The following MCC variants were observed in gnomAD, a reference collection of about 807,000 sequenced individuals.
MCC encodes the protein colorectal mutant cancer protein.
A neutral mutation model predicts 116.2 loss-of-function variants in MCC; 90 were observed. The ratio of observed to expected loss-of-function variants is 0.77; its 90% CI spans 0.65 to 0.92. MCC has a LOEUF of 0.92. Among genes scored for constraint, MCC ranks in the 40% least tolerant of loss-of-function variants. The probability of loss-of-function intolerance (pLI) is 0.00; values close to 1 mark genes in which losing one functional copy is unlikely to be tolerated. For synonymous variants in MCC, 578 were observed against 510.5 expected (o/e 1.13, Z -1.78); for missense variants, 1,516 against 1,312.2 (o/e 1.16, Z -2.40).
At chr5:113,221,992 A>C (rs1251989156) in intron 3 of MCC, among the ~76,000 whole-genome samples, 1 of 152,180 alleles carries the variant, frequency 6.6e-6, no homozygotes, top group African/African-American at 2.4e-5. Context: ...TACATTAGGA[A>C]GGGGGAGATA....
At chr5:113,237,873 G>A (rs1278796276) in intron 3 of MCC, among the ~76,000 whole-genome samples, 1 of 152,196 alleles carries the variant, frequency 6.6e-6, no homozygotes, top group African/African-American at 2.4e-5. Context: ...GTCATCTCAT[G>A]CCTGAAGTAT....
At chr5:113,438,343 C>T (rs959532559) in intron 1 of MCC, among the ~76,000 whole-genome samples, 3 of 152,124 alleles carry the variant, frequency 2.0e-5, no homozygotes, top group African/African-American at 7.2e-5. Context: ...GAGCATCAGA[C>T]ACGGGGCAGA....
At chr5:113,059,479 C>T (rs1013169277) in intron 14 of MCC, among the ~76,000 whole-genome samples, 4 of 152,220 alleles carry the variant, frequency 2.6e-5, no homozygotes, top group African/African-American at 9.7e-5. Context: ...GTTAAGTCAT[C>T]CATTAATTCT....
At chr5:113,217,648 G>C (rs141575202) in intron 3 of MCC, among the ~76,000 whole-genome samples, 1 of 148,808 alleles carries the variant, frequency 6.7e-6, no homozygotes, top group Admixed American at 6.6e-5. Flanking sequence ...GAGGAAAGTG[G>C]GGCTCCAAGC....
At chr5:113,468,937 C>A (rs1207871042) in intron 1 of MCC, among the ~76,000 whole-genome samples, 1 of 152,142 alleles carries the variant, frequency 6.6e-6, no homozygotes, top group African/African-American at 2.4e-5. Flanking sequence ...AGGAATTTAT[C>A]CATTTCTTCT....
At chr5:113,432,138 A>C (rs1770672539) in intron 1 of MCC, among the ~76,000 whole-genome samples, 1 of 151,756 alleles carries the variant, frequency 6.6e-6, no homozygotes, top group Admixed American at 6.6e-5. Context: ...CCGTCTCAAA[A>C]AACAAATAAA....
intron 3 of MCC, among the ~76,000 whole-genome samples, chr5:113,339,874 C>T (rs1767968254): frequency 6.6e-6 from 1 of 152,216 alleles, no homozygotes. Context: ...AGACCTTTCC[C>T]ACAGTGGCTG....
intron 11 of MCC, among the ~76,000 whole-genome samples, chr5:113,077,908 A>C (rs1228522988): frequency 1.1e-4 from 16 of 141,286 alleles, no homozygotes; most frequent in African/African-American, 4.3e-4. Flanking sequence ...ATAGACCGCT[A>C]GCAAGACTAA....
At chr5:113,412,689 T>C (rs978338384) in intron 1 of MCC, among the ~76,000 whole-genome samples, 3 of 152,238 alleles carry the variant, frequency 2.0e-5, no homozygotes, top group Admixed American at 6.5e-5. Flanking sequence ...GATGGGGTTT[T>C]CTAAATATGC....
At chr5:113,103,632 T>C (rs564506658) in intron 7 of MCC, among the ~76,000 whole-genome samples, 2 of 152,310 alleles carry the variant, frequency 1.3e-5, no homozygotes, top group East Asian at 3.9e-4. Context: ...TATGGGCTCC[T>C]CCTAGACTTT....
intron 6 of MCC, among the ~76,000 whole-genome samples, chr5:113,114,765 A>T (rs1177640859): frequency 6.6e-6 from 1 of 152,174 alleles, no homozygotes; most frequent in Non-Finnish European, 1.5e-5. Flanking sequence ...GCCAGAATCC[A>T]GGGGAAGATT....
intron 12 of MCC, among the ~76,000 whole-genome samples, chr5:113,068,809 T>A (rs1181974662): frequency 6.6e-6 from 1 of 152,030 alleles, no homozygotes; most frequent in Non-Finnish European, 1.5e-5. Context: ...GATCCTCCAA[T>A]CCCCCACTGA....
Position 113,340,732 on chromosome 5 carries a change from T to C in MCC, c.416-2A>G, listed in dbSNP as rs767849135. On this transcript the variant is annotated splice_acceptor_variant, in intron 2 of 18. Transcript: ENST00000408903. LOFTEE classifies it high-confidence loss of function. ...TCTCCCTGGCTGCTGATAAGGCACC[T>C]AAGTCCGAGAGAAGCAGAGAAAATG... is the stretch of plus-strand genomic sequence containing the variant. The C allele has an allele frequency of 6.2e-7, 1 of 1,612,454 alleles. No homozygotes were observed. Among genetic ancestry groups the C allele is most frequent in the Admixed American group, 1.7e-5 (1 of 59,984 alleles).
rs1416643695 is a variant in MCC at position 113,208,406 on chromosome 5, G to A, written c.628-56984C>T. 2.6e-5 allele frequency among the ~76,000 whole-genome samples: 4 copies of A among 152,094 alleles called. No individual in the cohort carries two copies. The East Asian group carries it at 5.8e-4, about 22-fold the overall frequency. ...GCAGAAGAAAACCACCACCCTTCAA[G>A]AGCACCCAGAAGCTGTGTGCAGCTG... On this transcript the variant is annotated intron_variant, in intron 3 of 18. Coordinates refer to ENST00000408903, the MANE Select transcript of MCC (RefSeq NM_001085377.2).
rs11388557 is a variant in MCC, at chr5:113,289,328, C to CAAA, written c.627+51188_627+51190dup. 2.5e-3 allele frequency among the ~76,000 whole-genome samples: 215 copies of CAAA among 86,030 alleles called. 4 individuals carry two copies. Among genetic ancestry groups the CAAA allele is most frequent in the African/African-American group, 7.9e-3 (203 of 25,600 alleles). 56.4% of individuals were successfully genotyped at this position (86,030 alleles called of 152,430 possible). On this transcript the variant is annotated intron_variant, in intron 3 of 18. Transcript: ENST00000408903. ...TGGGTAACACAGAGAGGCTCCATCT[C>CAAA]AAAAAAAAAAAAAAAAATGAAAAGA...
intron 1 of MCC, chr5:113,428,908 A>C (rs1309739541): frequency 6.6e-6 from 1 of 152,182 alleles, no homozygotes; most frequent in Non-Finnish European, 1.5e-5. Context: ...AGGTTCACTT[A>C]TTTTAAAAGA....
chr5:113,303,298 T>G (rs957143561), intron 3 of MCC, among the ~76,000 whole-genome samples: 1 of 152,102 alleles, frequency 6.6e-6, no homozygotes, highest in African/African-American at 2.4e-5. Context: ...AGAGAGTGAG[T>G]AATAATGCAG....
At chr5:113,276,087 T>C (rs1194731777) in intron 3 of MCC, among the ~76,000 whole-genome samples, 1 of 151,892 alleles carries the variant, frequency 6.6e-6, no homozygotes, top group Non-Finnish European at 1.5e-5. Flanking sequence ...ACATTGATTC[T>C]GGCCCCAAAG....
chr5:113,260,740 C>A (rs539800424), intron 3 of MCC, among the ~76,000 whole-genome samples: 1 of 147,628 alleles, frequency 6.8e-6, no homozygotes, highest in Non-Finnish European at 1.5e-5. Context: ...AATGCCTACA[C>A]ATTTTTTTTT....
Sources: gnomAD v4.1 joint callset for allele counts (sites outside exome capture counted in the v4.1 genomes callset) on GRCh38, gnomAD v4.1.1 for gene constraint, MANE v1.5 for transcripts, NCBI Gene and HGNC (gene_info 2026-07-23, HGNC 2026-07-21) for gene names.